The following MACROD1 variants were observed in gnomAD, a reference collection of about 807,000 sequenced individuals.
The protein encoded by MACROD1 is mono-ADP ribosylhydrolase 1.
Under a neutral mutation model 41.4 loss-of-function variants are expected in MACROD1, and 31 were observed. The observed-to-expected ratio is 0.75, with a 90% CI of 0.56 to 1.01. MACROD1 has a LOEUF of 1.01. Ranked by LOEUF, MACROD1 falls within the 50% of genes least tolerant of loss-of-function variation. The pLI, the probability that MACROD1 is intolerant of heterozygous loss-of-function variation, is 0.00. For synonymous variants in MACROD1, 252 were observed against 203.4 expected (o/e 1.24, Z -2.03); for missense variants, 473 against 460.0 (o/e 1.03, Z -0.26).
chr11:64,048,755 A>G (rs1223972965), intron 3 of MACROD1, among the ~76,000 whole-genome samples: 1 of 152,176 alleles, frequency 6.6e-6, no homozygotes, highest in Non-Finnish European at 1.5e-5. Flanking sequence ...CCCAGATCCC[A>G]TAACTCTAAG....
chr11:64,069,277 G>A (rs2096734), intron 3 of MACROD1, among the ~76,000 whole-genome samples: 4,073 of 152,326 alleles, frequency 0.027, 129 homozygotes, highest in Admixed American at 0.082. Context: ...GCTCTGAACC[G>A]CAGGGGAAGG....
chr11:64,159,100 T>C (rs544099463), intron 1 of MACROD1, among the ~76,000 whole-genome samples: 11 of 151,868 alleles, frequency 7.2e-5, no homozygotes, highest in Non-Finnish European at 1.6e-4. Flanking sequence ...GGCAGGTGGA[T>C]CACGAGGTCA....
At chr11:64,124,896 T>C (rs1945155081) in intron 3 of MACROD1, among the ~76,000 whole-genome samples, 2 of 152,154 alleles carry the variant, frequency 1.3e-5, no homozygotes, top group African/African-American at 4.8e-5. Flanking sequence ...CTCAGACTGG[T>C]ATTGAACTCC....
At chr11:64,157,511 T>C (rs1458073216) in intron 1 of MACROD1, among the ~76,000 whole-genome samples, 1 of 152,234 alleles carries the variant, frequency 6.6e-6, no homozygotes, top group Non-Finnish European at 1.5e-5. Flanking sequence ...TTTCATTTTC[T>C]TTCATTTTTG....
intron 3 of MACROD1, among the ~76,000 whole-genome samples, chr11:64,076,317 T>C (rs1944199958): frequency 6.6e-6 from 1 of 152,134 alleles, no homozygotes; most frequent in African/African-American, 2.4e-5. Flanking sequence ...ATGCTCTGAC[T>C]TGGGGTTAGG....
chr11:64,163,542 C>T (rs1014444656), intron 1 of MACROD1, among the ~76,000 whole-genome samples: 2 of 152,194 alleles, frequency 1.3e-5, no homozygotes, highest in African/African-American at 4.8e-5. Flanking sequence ...AAGCTTAGGA[C>T]ATCTATCCCA....
intron 4 of MACROD1, among the ~76,000 whole-genome samples, chr11:64,011,210 G>A (rs1943011434): frequency 6.7e-6 from 1 of 148,922 alleles, no homozygotes; most frequent in African/African-American, 2.5e-5. Flanking sequence ...TGGCTGGCGT[G>A]TTGGCTGGGG....
chr11:64,033,618 A>C (rs1264991295), intron 3 of MACROD1, among the ~76,000 whole-genome samples: 2 of 151,820 alleles, frequency 1.3e-5, no homozygotes, highest in Non-Finnish European at 2.9e-5. Flanking sequence ...AGTTGGGTGG[A>C]TCACCTGAGG....
chr11:64,073,635 A>G (rs1944147743), intron 3 of MACROD1, among the ~76,000 whole-genome samples: 2 of 152,316 alleles, frequency 1.3e-5, no homozygotes, highest in Non-Finnish European at 1.5e-5. Flanking sequence ...CTGGGGGTGC[A>G]CATGTACGTC....
chr11:63,999,048 G>T lies in MACROD1; in HGVS notation c.892-12C>A. On this transcript the variant is annotated splice_polypyrimidine_tract_variant and intron_variant, in intron 8 of 10. Transcript: ENST00000255681. ...ATCAGCCGGTCCACCTGCGCCAGGGGCTGCTCAGCCTGGGCCGAGCTGCCA... is the reference window on the plus strand; with the variant it reads ...ATCAGCCGGTCCACCTGCGCCAGGGTCTGCTCAGCCTGGGCCGAGCTGCCA... 6.3e-7 allele frequency: 1 copy of T among 1,596,242 alleles called. No homozygotes were observed. Among genetic ancestry groups the T allele is most frequent in the East Asian group, 2.3e-5 (1 of 44,268 alleles).
chr11:64,026,181 G>A (rs998682168), intron 3 of MACROD1, among the ~76,000 whole-genome samples: 2 of 151,998 alleles, frequency 1.3e-5, no homozygotes, highest in Admixed American at 6.6e-5. Flanking sequence ...GACTTATCTC[G>A]GGAAAACAAA....
intron 4 of MACROD1, among the ~76,000 whole-genome samples, chr11:64,003,276 G>C (rs1477545934): frequency 6.6e-6 from 1 of 152,162 alleles, no homozygotes; most frequent in Admixed American, 6.6e-5. Context: ...GGAGTGCAGT[G>C]GTGCAATCTT....
In MACROD1 at chr11:64,120,763, T is replaced by C. The variant is rs183013171; in HGVS notation, c.517+30476A>G. Among the ~76,000 whole-genome samples, 4 of 151,862 alleles carry C rather than the reference T, an allele frequency of 2.6e-5. No homozygotes were observed. In the East Asian group the frequency reaches 7.8e-4, roughly 29 times the overall value. Reference sequence around the variant, plus strand: ...AGCAGAAGGGCCCACCTGGGATGTCTGGGAGGAGAGCGTGCCCGAGGTGTG... The same window carrying C: ...AGCAGAAGGGCCCACCTGGGATGTCCGGGAGGAGAGCGTGCCCGAGGTGTG... On this transcript the variant is annotated intron_variant, in intron 3 of 10. Coordinates refer to ENST00000255681, the MANE Select transcript of MACROD1 (RefSeq NM_014067.4). The surrounding 1 kb of genome is among the most constrained non-coding windows in gnomAD (Gnocchi z 4.5).
At chr11:64,153,296 C>A (rs897756475) in intron 1 of MACROD1, among the ~76,000 whole-genome samples, 4 of 152,318 alleles carry the variant, frequency 2.6e-5, no homozygotes, top group Non-Finnish European at 2.9e-5. Context: ...CAGCCTGGCA[C>A]CCTGGACCAC....
At chr11:64,051,991 G>A (rs1396087373) in intron 3 of MACROD1, among the ~76,000 whole-genome samples, 5 of 151,758 alleles carry the variant, frequency 3.3e-5, no homozygotes, top group Non-Finnish European at 5.9e-5. Flanking sequence ...TGGATGAGAG[G>A]GGGTCCAGGC....
intron 3 of MACROD1, among the ~76,000 whole-genome samples, chr11:64,089,503 C>T (rs1334191553): frequency 2.0e-5 from 3 of 152,350 alleles, no homozygotes; most frequent in Admixed American, 2.0e-4. Flanking sequence ...CTGACTCCCC[C>T]AGGGCATTCT....
At position 64,146,493 on chromosome 11, in the gene MACROD1, G is replaced by C. The variant is rs1945497613; in HGVS notation, c.517+4746C>G. Among the ~76,000 whole-genome samples, 1 of 152,144 alleles carries C rather than the reference G, an allele frequency of 6.6e-6. No individual in the cohort carries two copies. Among genetic ancestry groups the C allele is most frequent in the Non-Finnish European group, 1.5e-5 (1 of 68,022 alleles). On this transcript the variant is annotated intron_variant, in intron 3 of 10. Coordinates refer to ENST00000255681, the MANE Select transcript of MACROD1 (RefSeq NM_014067.4). This position sits in a 1 kb window ranked among gnomAD's most constrained non-coding sequence, Gnocchi z 4.7. ...ATGGCAGGAACCTGAGACTCTCCCG[G>C]GTGCTACCCAAGCAAGTGGCCTCAG...
At chr11:64,065,128 C>T (rs1011756155) in intron 3 of MACROD1, among the ~76,000 whole-genome samples, 2 of 152,198 alleles carry the variant, frequency 1.3e-5, no homozygotes, top group Non-Finnish European at 2.9e-5. Context: ...GAACGGGCTA[C>T]ACGTGGGCCT....
intron 3 of MACROD1, among the ~76,000 whole-genome samples, chr11:64,128,602 C>T (rs186277729): frequency 3.3e-5 from 5 of 152,030 alleles, no homozygotes; most frequent in Admixed American, 3.3e-4. Context: ...CTCAGGAAGG[C>T]CCTGTGTCCC....
Sources: allele counts gnomAD v4.1 joint callset (sites outside exome capture counted in the v4.1 genomes callset), GRCh38; gene constraint gnomAD v4.1.1; non-coding constraint Gnocchi (gnomAD v3.1); transcripts MANE v1.5; gene names NCBI Gene and HGNC (gene_info 2026-07-23, HGNC 2026-07-21).